Variants in CSNK1G1 observed in about 807,000 individuals in gnomAD.
CSNK1G1 encodes casein kinase I isoform gamma-1.
Under a neutral mutation model 59.6 loss-of-function variants are expected in CSNK1G1, and 22 were observed. That is an observed-to-expected ratio of 0.37 (90% CI 0.26 to 0.53). The LOEUF (loss-of-function observed/expected upper bound fraction) is 0.53, where lower values mean the gene tolerates loss of function less well. Among genes scored for constraint, CSNK1G1 ranks in the 20% least tolerant of loss-of-function variants. The probability of loss-of-function intolerance (pLI) is 0.89; values close to 1 mark genes in which losing one functional copy is unlikely to be tolerated. For missense variants in CSNK1G1, 384 were observed against 519.5 expected (o/e 0.74, Z 2.54); for synonymous variants, 179 against 177.1 (o/e 1.01, Z -0.08).
intron 10 of CSNK1G1, among the ~76,000 whole-genome samples, chr15:64,195,950 C>T (rs2082032555): frequency 6.6e-6 from 1 of 152,166 alleles, no homozygotes; most frequent in Admixed American, 6.6e-5. Context: ...TTGTGCTTGG[C>T]CAGGCATGGT....
chr15:64,246,442 T>C (rs781221055), intron 4 of CSNK1G1, among the ~76,000 whole-genome samples: 1 of 152,008 alleles, frequency 6.6e-6, no homozygotes, highest in African/African-American at 2.4e-5. Context: ...GTCAACATAG[T>C]GAGACTCCAT....
chr15:64,353,375 G>A (rs970134786), intron 1 of CSNK1G1, among the ~76,000 whole-genome samples: 5 of 152,120 alleles, frequency 3.3e-5, no homozygotes, highest in South Asian at 2.1e-4. Context: ...GGCCGGGTAC[G>A]GTGGCTCATG....
At chr15:64,354,485 G>T (rs1898525545) in intron 1 of CSNK1G1, among the ~76,000 whole-genome samples, 1 of 152,050 alleles carries the variant, frequency 6.6e-6, no homozygotes, top group African/African-American at 2.4e-5. Flanking sequence ...AATATATTTT[G>T]CTCATTTCAA....
At chr15:64,297,818 T>A (rs559609248) in intron 2 of CSNK1G1, among the ~76,000 whole-genome samples, 3 of 152,226 alleles carry the variant, frequency 2.0e-5, no homozygotes, top group Non-Finnish European at 4.4e-5. Flanking sequence ...GTAGGCTGAC[T>A]GCACCTGCCT....
chr15:64,217,820 A>G (rs2082332111), intron 4 of CSNK1G1, among the ~76,000 whole-genome samples: 1 of 151,994 alleles, frequency 6.6e-6, no homozygotes, highest in Admixed American at 6.6e-5. Flanking sequence ...CATCTCAAAA[A>G]AAAAAAAAAA....
chr15:64,283,776 C>A (rs182764107), intron 2 of CSNK1G1, among the ~76,000 whole-genome samples: 1 of 152,218 alleles, frequency 6.6e-6, no homozygotes, highest in Non-Finnish European at 1.5e-5. Context: ...AGCCACTGCA[C>A]CTAGCCAACT....
chr15:64,227,417 A>G (rs1855358866), intron 4 of CSNK1G1, among the ~76,000 whole-genome samples: 1 of 152,220 alleles, frequency 6.6e-6, no homozygotes, highest in Admixed American at 6.5e-5. Flanking sequence ...ATATGTAGGT[A>G]AACAACTATG....
chr15:64,220,800 T>C (rs980066540), intron 4 of CSNK1G1, among the ~76,000 whole-genome samples: 2 of 152,004 alleles, frequency 1.3e-5, no homozygotes, highest in African/African-American at 4.8e-5. Context: ...GTGATCTGCC[T>C]GCCTTGGCCT....
intron 10 of CSNK1G1, among the ~76,000 whole-genome samples, chr15:64,194,521 T>C (rs1440985374): frequency 1.2e-4 from 17 of 147,382 alleles, no homozygotes; most frequent in African/African-American, 2.5e-4. Context: ...TCTTTTCTTT[T>C]TTTTTTTTTT....
chr15:64,189,711 A>G (rs1213008809), intron 10 of CSNK1G1, among the ~76,000 whole-genome samples: 1 of 152,018 alleles, frequency 6.6e-6, no homozygotes, highest in Non-Finnish European at 1.5e-5. Context: ...TTCACTCCCC[A>G]TATTTCAGTA....
intron 10 of CSNK1G1, among the ~76,000 whole-genome samples, chr15:64,185,396 G>C (rs966905479): frequency 1.3e-5 from 2 of 152,170 alleles, no homozygotes; most frequent in African/African-American, 4.8e-5. Flanking sequence ...AGCCCAAAGA[G>C]GCCAAAGTAA....
rs1476979393 is a variant in CSNK1G1 at position 64,213,875 on chromosome 15, C to T, written c.679+15G>A. ...CTAATGACTCGCCCCTTTCATGGAACAGAAAAAAACACACCTTTGCCAAGA... is the reference window on the plus strand; with the variant it reads ...CTAATGACTCGCCCCTTTCATGGAATAGAAAAAAACACACCTTTGCCAAGA... On this transcript the variant is annotated intron_variant, in intron 6 of 11. Transcript: ENST00000303052. 1.3e-6 allele frequency: 2 copies of T among 1,560,244 alleles called. No individual in the cohort carries two copies. Among genetic ancestry groups the T allele is most frequent in the East Asian group, 2.2e-5 (1 of 44,604 alleles).
At chr15:64,228,836 T>TA (rs200152837) in intron 4 of CSNK1G1, among the ~76,000 whole-genome samples, 6,704 of 151,626 alleles carry the variant, frequency 0.044, 188 homozygotes, top group South Asian at 0.085. Flanking sequence ...GGCAACATGG[T>TA]GAAACCCCTG....
chr15:64,223,192 A>T (rs1365685828), intron 4 of CSNK1G1, among the ~76,000 whole-genome samples: 1 of 152,148 alleles, frequency 6.6e-6, no homozygotes, highest in Non-Finnish European at 1.5e-5. Flanking sequence ...TTGGTCAGAG[A>T]TTACCACACA....
In CSNK1G1 at chr15:64,271,107, T is replaced by C. The variant is rs149527131; in HGVS notation, c.182-11866A>G. Among the ~76,000 whole-genome samples, 463 of 152,154 alleles carry C rather than the reference T, an allele frequency of 3.0e-3. 1 individual carries two copies. Among genetic ancestry groups the C allele is most frequent in the African/African-American group, 0.011 (446 of 41,514 alleles). ...AAGTGATTCTCCTGACTCAGTCTCC[T>C]GAGCAGAGTAGCTGGGACTACAGGC... On this transcript the variant is annotated intron_variant, in intron 2 of 11. Coordinates refer to ENST00000303052, the MANE Select transcript of CSNK1G1 (RefSeq NM_022048.5).
Position 64,166,417 on chromosome 15 carries a change from G to C in CSNK1G1, c.*5514C>G, listed in dbSNP as rs2081603938. 6.3e-6 allele frequency: 1 copy of C among 159,004 alleles called. No homozygotes were observed. Among genetic ancestry groups the C allele is most frequent in the Admixed American group, 6.5e-5 (1 of 15,424 alleles). 9.8% of individuals were successfully genotyped at this position (159,004 alleles called of 1,614,324 possible). A position where few individuals can be genotyped will look rare whatever the true frequency, so the allele number is the denominator to read the frequency against. On this transcript the variant is annotated 3_prime_UTR_variant, in exon 12 of 12. Coordinates refer to ENST00000303052, the MANE Select transcript of CSNK1G1 (RefSeq NM_022048.5). This position sits in a 1 kb window ranked among gnomAD's most constrained non-coding sequence, Gnocchi z 4.5. The stretch of plus-strand genomic sequence containing the variant: ...CTCATTCCTAAAGCCAGCTTGCTGA[G>C]ACACTAATTTCAGAAGCTCACTTGT...
At chr15:64,300,744 C>T (rs1046555121) in intron 1 of CSNK1G1, 21 bp from the exon 2 acceptor site, 8 of 1,227,480 alleles carry the variant, frequency 6.5e-6, no homozygotes, top group Non-Finnish European at 5.1e-6. Context: ...ATCAAGAAAA[C>T]ATGTAGTTAA....
In CSNK1G1 at chr15:64,188,508, G is replaced by A. The variant is rs529330707; in HGVS notation, c.1108-8054C>T. Reference sequence around the variant, plus strand: ...ATTCTGCTTAGGCGTTAGAAAGCATGAGAGCAAGATATGGAAGGAAAGGTG... The same window carrying A: ...ATTCTGCTTAGGCGTTAGAAAGCATAAGAGCAAGATATGGAAGGAAAGGTG... On this transcript the variant is annotated intron_variant, in intron 10 of 11. Transcript: ENST00000303052. The surrounding 1 kb of genome is among the most constrained non-coding windows in gnomAD (Gnocchi z 4.2). 391 of 1,504,684 alleles carry A rather than the reference G, an allele frequency of 2.6e-4. No individual in the cohort carries two copies. The South Asian group carries it at 4.4e-3, about 17-fold the overall frequency. 93.2% of individuals were successfully genotyped at this position (1,504,684 alleles called of 1,614,324 possible).
chr15:64,313,839 A>C (rs1896127255), intron 1 of CSNK1G1, among the ~76,000 whole-genome samples: 1 of 148,290 alleles, frequency 6.7e-6, no homozygotes, highest in Non-Finnish European at 1.5e-5. Context: ...TTAATCTTAA[A>C]AATAAAAGTT....
Sources: gnomAD v4.1 joint callset for allele counts (sites outside exome capture counted in the v4.1 genomes callset) on GRCh38, gnomAD v4.1.1 for gene constraint, Gnocchi (gnomAD v3.1) non-coding constraint, MANE v1.5 for transcripts, NCBI Gene and HGNC (gene_info 2026-07-23, HGNC 2026-07-21) for gene names.